The following DNAAF8 variants were observed in gnomAD, a reference collection of about 807,000 sequenced individuals.
DNAAF8 encodes dynein axonemal assembly factor 8.
DNAAF8 carries 61 observed loss-of-function variants against 54.6 expected under a neutral mutation model. That is an observed-to-expected ratio of 1.12 (90% CI 0.91 to 1.38). The LOEUF (loss-of-function observed/expected upper bound fraction) is 1.38. Among genes scored for constraint, DNAAF8 ranks in the 40% most tolerant of loss-of-function variants. The pLI is 0.00. For missense variants in DNAAF8, 837 were observed against 665.0 expected (o/e 1.26, Z -2.85); for synonymous variants, 320 against 270.1 (o/e 1.18, Z -1.81).
Position 4,737,889 on chromosome 16 carries a change from T to C in DNAAF8, c.219T>C (p.Pro73=), listed in dbSNP as rs770799787. The change falls in exon 3 of 10, where the codon CCT becomes CCC. Residue 73 remains proline, a synonymous_variant. Coordinates refer to ENST00000299320, the MANE Select transcript of DNAAF8 (RefSeq NM_139170.3). The part of the protein sequence containing the change: ...PDLSEELAED[P]ADGDKSRAWV... ...TGTCGGAGGAGCTGGCTGAAGATCC[T>C]GCCGATGGCGACAAGTCCAGGGCCT... 1 of 1,614,202 alleles carries C rather than the reference T, an allele frequency of 6.2e-7. No individual in the cohort carries two copies. The highest frequency in any genetic ancestry group is 8.5e-7 in the Non-Finnish European group (1 of 1,180,030).
chr16:4,740,800 G>A, intron 4 of DNAAF8, 141 bp downstream of exon 4: 14 of 1,141,058 alleles, frequency 1.2e-5, no homozygotes, highest in Non-Finnish European at 1.7e-5. Context: ...CTGTGTACCT[G>A]TCTCAGTAGA....
At position 4,740,709 on chromosome 16, in the gene DNAAF8, A is replaced by G. The variant is rs370532333; in HGVS notation, c.783+50A>G. On this transcript the variant is annotated intron_variant, in intron 4 of 9. Coordinates refer to ENST00000299320, the MANE Select transcript of DNAAF8 (RefSeq NM_139170.3). ...GTTTCTCAGGCCTGTTACCTGTGGC[A>G]TGGCTGCTGTTCCCATGCACTGGAG... The G allele has an allele frequency of 1.3e-5, 20 of 1,512,302 alleles. No homozygotes were observed. In the African/African-American group the frequency reaches 2.1e-4, roughly 16 times the overall value. 93.7% of individuals were successfully genotyped at this position (1,512,302 alleles called of 1,614,324 possible). A position where few individuals can be genotyped will look rare whatever the true frequency, so the allele number is the denominator to read the frequency against.
chr16:4,736,607 A>G lies in DNAAF8; in HGVS notation c.93A>G (p.Lys31=). Reference sequence around the variant, plus strand: ...GGGATGCCATCCTCAAGGCTGTCAAAGACCAGCTCCCGTCTCTGGACTCAG... The same window carrying G: ...GGGATGCCATCCTCAAGGCTGTCAAGGACCAGCTCCCGTCTCTGGACTCAG... ...GPWDAILKAV[K]DQLPSLDSDS... The change falls in exon 2 of 10, where the codon AAA becomes AAG. Residue 31 remains lysine (K), a synonymous_variant. Coordinates refer to ENST00000299320, the MANE Select transcript of DNAAF8 (RefSeq NM_139170.3). The G allele has an allele frequency of 6.3e-7, 1 of 1,588,412 alleles. No homozygotes were observed. The highest frequency in any genetic ancestry group is 8.6e-7 in the Non-Finnish European group (1 of 1,165,696).
At chr16:4,747,143 G>A (rs1162964191) in intron 8 of DNAAF8, 118 bp downstream of exon 8, 6 of 1,221,854 alleles carry the variant, frequency 4.9e-6, no homozygotes, top group African/African-American at 3.1e-5. Flanking sequence ...CACCGCACAG[G>A]GTGAGGGGGA....
chr16:4,740,276 A>C lies in DNAAF8; in HGVS notation c.400A>C (p.Ser134Arg). The C allele has an allele frequency of 1.2e-6, 2 of 1,614,036 alleles. No homozygotes were observed. Among genetic ancestry groups the C allele is most frequent in the Non-Finnish European group, 1.7e-6 (2 of 1,179,982 alleles). Residue 134 changes from serine (S) to arginine (R), a missense_variant, in exon 4 of 10, where the codon AGC (serine) becomes CGC (arginine). Ser to Arg is a moderately radical substitution (Grantham distance 110). Transcript: ENST00000299320. The stretch of plus-strand genomic sequence containing the variant: ...GCCTTTTGAAAGCTCTGGTGAGGTC[A>C]GCGCTCTTCTTGGGATGGCCGAGGA... ...GRPFESSGEV[S>R]ALLGMAEEPP...
chr16:4,740,221 A>G lies in DNAAF8; in HGVS notation c.345A>G (p.Ala115=), dbSNP rs1308881256. Residue 115 remains alanine (A), a synonymous_variant, in exon 4 of 10, where the codon GCA becomes GCG. Coordinates refer to ENST00000299320, the MANE Select transcript of DNAAF8 (RefSeq NM_139170.3). ...GCRQNTRTKD[A]SSQEGRDPGR... is the part of the protein sequence containing the mutation. Reference sequence around the variant, plus strand: ...GACAGAACACAAGGACAAAGGATGCATCCTCTCAGGAAGGAAGAGACCCTG... The same window carrying G: ...GACAGAACACAAGGACAAAGGATGCGTCCTCTCAGGAAGGAAGAGACCCTG... The G allele has an allele frequency of 6.2e-7, 1 of 1,613,986 alleles. No individual in the cohort carries two copies. Among genetic ancestry groups the G allele is most frequent in the African/African-American group, 1.3e-5 (1 of 74,916 alleles).
At chr16:4,744,633 A>ATTT (rs2081989758) in intron 5 of DNAAF8, among the ~76,000 whole-genome samples, 1 of 86,520 alleles carries the variant, frequency 1.2e-5, no homozygotes, top group Non-Finnish European at 2.9e-5. Context: ...CGTCACTCCT[A>ATTT]CTTCACCAAG....
At chr16:4,737,525 G>T (rs1223723515) in intron 2 of DNAAF8, among the ~76,000 whole-genome samples, 2 of 152,202 alleles carry the variant, frequency 1.3e-5, no homozygotes, top group Non-Finnish European at 2.9e-5. Flanking sequence ...CCTGCTGTAT[G>T]CGAGGTACTT....
At chr16:4,747,062 C>A (rs1187308768) in intron 8 of DNAAF8, 37 bp downstream of exon 8, 2 of 1,485,774 alleles carry the variant, frequency 1.3e-6, no homozygotes, top group Middle Eastern at 4.3e-4. Flanking sequence ...CTGCAGATGT[C>A]CCACCTCTGC....
At chr16:4,747,285 A>C in intron 8 of DNAAF8, 58 bp from the exon 9 acceptor site, 4 of 1,498,846 alleles carry the variant, frequency 2.7e-6, no homozygotes, top group Non-Finnish European at 3.6e-6. Context: ...TTCAGTAAGG[A>C]GGGCTGGGAG....
At position 4,737,842 on chromosome 16, in the gene DNAAF8, C is replaced by G; in HGVS notation, c.172C>G (p.Gln58Glu). 1 of 1,614,154 alleles carries G rather than the reference C, an allele frequency of 6.2e-7. No individual in the cohort carries two copies. The stretch of plus-strand genomic sequence containing the variant: ...GGAGCTGTTCATCTTCCAGCGAAAC[C>G]AAACCTCCCTGATTCCAGACCTGTC... ...EEELFIFQRN[Q>E]TSLIPDLSEE... The change falls in exon 3 of 10, where the codon CAA becomes GAA. Residue 58 changes from glutamine (Q) to glutamate (E), a missense_variant. Transcript: ENST00000299320.
At position 4,736,618 on chromosome 16, in the gene DNAAF8, C is replaced by T. The variant is rs141145937; in HGVS notation, c.104C>T (p.Pro35Leu). The T allele has an allele frequency of 2.5e-5, 40 of 1,580,904 alleles. No individual in the cohort carries two copies. The highest frequency in any genetic ancestry group is 4.0e-5 in the African/African-American group (3 of 74,482). Reference sequence around the variant, plus strand: ...CTCAAGGCTGTCAAAGACCAGCTCCCGTCTCTGGACTCAGACTCCCCTTTG... The same window carrying T: ...CTCAAGGCTGTCAAAGACCAGCTCCTGTCTCTGGACTCAGACTCCCCTTTG... ...AILKAVKDQLPSLDSDSPLSD... is the reference protein window; with the variant it reads ...AILKAVKDQLLSLDSDSPLSD... Residue 35 changes from proline to leucine, a missense_variant, in exon 2 of 10, where the codon CCG (proline) becomes CTG (leucine). By Grantham distance (98) the Pro-to-Leu change is moderately conservative. Coordinates refer to ENST00000299320, the MANE Select transcript of DNAAF8 (RefSeq NM_139170.3).
chr16:4,747,110 C>T, intron 8 of DNAAF8, 85 bp downstream of exon 8: 1 of 1,346,746 alleles, frequency 7.4e-7, no homozygotes, highest in Non-Finnish European at 1.0e-6. Flanking sequence ...CATTTACCGC[C>T]TGTGGTGAGG....
chr16:4,738,545 C>T (rs956762410), intron 3 of DNAAF8, among the ~76,000 whole-genome samples: 1 of 152,210 alleles, frequency 6.6e-6, no homozygotes, highest in Non-Finnish European at 1.5e-5. Flanking sequence ...GACAGAGGTT[C>T]CCATGAGGCC....
At position 4,747,566 on chromosome 16, in the gene DNAAF8, G is replaced by A; in HGVS notation, c.1504G>A (p.Asp502Asn). The A allele has an allele frequency of 1.2e-6, 2 of 1,611,834 alleles. No homozygotes were observed. Among genetic ancestry groups the A allele is most frequent in the East Asian group, 2.2e-5 (1 of 44,866 alleles). The change falls in exon 9 of 10, where the codon GAT becomes AAT. Residue 502 changes from aspartate to asparagine, a missense_variant. By Grantham distance (23) the Asp-to-Asn change is conservative. Coordinates refer to ENST00000299320, the MANE Select transcript of DNAAF8 (RefSeq NM_139170.3). The part of the protein sequence containing the change: ...LPRGRPRALG[D>N]VPEPGAAREA... ...AAGAGGCAGGCCCAGAGCCCTGGGG[G>A]ATGTTCCTGAGCCAGGGGCAGCCAG...
intron 1 of DNAAF8, chr16:4,735,303 A>G (rs1278356480): frequency 6.6e-6 from 1 of 152,156 alleles, no homozygotes; most frequent in East Asian, 1.9e-4. Flanking sequence ...TAGTTACAAA[A>G]AACACCCGCT....
intron 3 of DNAAF8, 118 bp from the exon 4 acceptor site, chr16:4,740,035 G>C: frequency 1.6e-6 from 2 of 1,274,846 alleles, no homozygotes; most frequent in Admixed American, 2.3e-5. Flanking sequence ...CTGCAGCCTG[G>C]GCAACAAAGC....
chr16:4,737,130 C>T lies in DNAAF8; in HGVS notation c.129+487C>T, dbSNP rs114676895. Among the ~76,000 whole-genome samples, 1,033 of 152,234 alleles carry T rather than the reference C, an allele frequency of 6.8e-3. 13 individuals are homozygous for T. The highest frequency in any genetic ancestry group is 0.023 in the African/African-American group (970 of 41,534). ...TCAGACCAATAGCCCTAGGTGCAGG[C>T]ATAAGACCCTGCTAAAGATGCTCCT... On this transcript the variant is annotated intron_variant, in intron 2 of 9. Transcript: ENST00000299320.
chr16:4,739,265 G>GTTTTTTTTTTTTTTTTTGTTTTTTTTTTT (rs2081932220), intron 3 of DNAAF8, among the ~76,000 whole-genome samples: 1 of 69,030 alleles, frequency 1.4e-5, no homozygotes, highest in Non-Finnish European at 2.6e-5. Flanking sequence ...ATTTTTTCTT[G>GTTTTTTTTTTTTTTTTTGTTTTTTTTTTT]TTTTTTTTTT....
Sources: allele counts gnomAD v4.1 joint callset (sites outside exome capture counted in the v4.1 genomes callset), GRCh38; gene constraint gnomAD v4.1.1; transcripts MANE v1.5; gene names NCBI Gene and HGNC (gene_info 2026-07-23, HGNC 2026-07-21).